Variants in MYRIP observed in about 807,000 individuals in gnomAD.
The protein encoded by MYRIP is myosin VIIA and Rab interacting protein.
MYRIP carries 49 observed loss-of-function variants against 98.0 expected under a neutral mutation model. The observed-to-expected ratio is 0.50, with a 90% CI of 0.40 to 0.63. MYRIP has a LOEUF of 0.63. Among genes scored for constraint, MYRIP ranks in the 30% least tolerant of loss-of-function variants. The pLI is 0.00. For missense variants in MYRIP, 1,004 were observed against 1,058.2 expected (o/e 0.95, Z 0.71); for synonymous variants, 404 against 409.5 (o/e 0.99, Z 0.16).
At chr3:40,052,901 T>G (rs965369527) in intron 3 of MYRIP, among the ~76,000 whole-genome samples, 1 of 152,078 alleles carries the variant, frequency 6.6e-6, no homozygotes, top group Non-Finnish European at 1.5e-5. Flanking sequence ...AAAACTGCAA[T>G]GCAAAATGTA....
At chr3:39,871,420 C>T (rs1942785032) in intron 1 of MYRIP, among the ~76,000 whole-genome samples, 1 of 152,126 alleles carries the variant, frequency 6.6e-6, no homozygotes, top group East Asian at 1.9e-4. Context: ...AATCTTTAGT[C>T]AGCATGAGTT....
At chr3:39,968,494 T>C (rs189463960) in intron 2 of MYRIP, among the ~76,000 whole-genome samples, 1 of 152,262 alleles carries the variant, frequency 6.6e-6, no homozygotes, top group Admixed American at 6.5e-5. Context: ...CTTGAGTTGA[T>C]TTTTGTATAT....
chr3:40,206,468 G>T (rs1319383908), intron 10 of MYRIP, among the ~76,000 whole-genome samples: 2 of 152,106 alleles, frequency 1.3e-5, no homozygotes, highest in East Asian at 3.9e-4. Flanking sequence ...TATGATTCTT[G>T]CTGCTCCAAT....
chr3:39,811,873 C>T (rs1332070247), intron 1 of MYRIP, among the ~76,000 whole-genome samples: 5 of 152,076 alleles, frequency 3.3e-5, no homozygotes, highest in African/African-American at 1.2e-4. Context: ...TTTAAACTAG[C>T]GGTAGCATAG....
intron 2 of MYRIP, among the ~76,000 whole-genome samples, chr3:40,017,757 G>T (rs1031954856): frequency 7.0e-6 from 1 of 143,614 alleles, no homozygotes; most frequent in Admixed American, 7.2e-5. Flanking sequence ...GACTTACTCC[G>T]GAAATTCCAG....
intron 3 of MYRIP, among the ~76,000 whole-genome samples, chr3:40,067,925 A>G (rs1948154976): frequency 6.6e-6 from 1 of 152,176 alleles, no homozygotes. Context: ...TTTTACTACC[A>G]TTTTACATAA....
At chr3:39,809,445 C>CGGCCCGGCGGGCACCCCCT, upstream of MYRIP, among the ~76,000 whole-genome samples, 1 of 147,464 alleles carries the variant, frequency 6.8e-6, no homozygotes, top group African/African-American at 2.4e-5. Context: ...CTGGAGGAAC[C>CGGCCCGGCGGGCACCCCCT]GGCCCGGCGG....
chr3:40,116,571 T>G (rs973164787), intron 3 of MYRIP, among the ~76,000 whole-genome samples: 1 of 152,236 alleles, frequency 6.6e-6, no homozygotes, highest in Non-Finnish European at 1.5e-5. Flanking sequence ...CTCAGCACAG[T>G]TTAGTCTGGC....
At chr3:40,167,277 T>G (rs1950520646) in intron 7 of MYRIP, 38 bp downstream of exon 7, 1 of 1,583,908 alleles carries the variant, frequency 6.3e-7, no homozygotes, top group African/African-American at 1.3e-5. Context: ...TGCAGTTTCC[T>G]GGCTGGGCCT....
chr3:40,203,088 C>A (rs747092441), intron 10 of MYRIP, among the ~76,000 whole-genome samples: 1 of 151,906 alleles, frequency 6.6e-6, no homozygotes, highest in South Asian at 2.1e-4. Flanking sequence ...TACAACCACA[C>A]CCAGCTAATT....
At chr3:40,219,732 C>A (rs988127634) in intron 11 of MYRIP, among the ~76,000 whole-genome samples, 2 of 152,098 alleles carry the variant, frequency 1.3e-5, no homozygotes, top group Non-Finnish European at 2.9e-5. Flanking sequence ...TCCAGTCTAT[C>A]GTTTTTGGAC....
chr3:40,123,456 T>C (rs1371733700), intron 3 of MYRIP, among the ~76,000 whole-genome samples: 1 of 152,200 alleles, frequency 6.6e-6, no homozygotes, highest in Non-Finnish European at 1.5e-5. Flanking sequence ...CCGCCAGCCA[T>C]CCTTCTCGTT....
intron 11 of MYRIP, among the ~76,000 whole-genome samples, chr3:40,212,227 C>T (rs62261832): frequency 0.56 from 7,257 of 12,942 alleles, 1,772 homozygotes; most frequent in Admixed American, 0.66. Context: ...TATATATATA[C>T]ACACACACAC....
chr3:40,035,015 T>C (rs1032021934), intron 2 of MYRIP, among the ~76,000 whole-genome samples: 7 of 136,924 alleles, frequency 5.1e-5, no homozygotes, highest in African/African-American at 1.7e-4. Context: ...TAGGTGGGAA[T>C]TGAACAATGA....
chr3:40,016,840 C>T (rs2067773), intron 2 of MYRIP, among the ~76,000 whole-genome samples: 42,267 of 152,118 alleles, frequency 0.28, 6,579 homozygotes, highest in Non-Finnish European at 0.36. Context: ...TCACAGATTG[C>T]CATATATCAT....
intron 1 of MYRIP, among the ~76,000 whole-genome samples, chr3:39,866,608 C>T (rs1304903894): frequency 6.6e-6 from 1 of 151,952 alleles, no homozygotes; most frequent in Non-Finnish European, 1.5e-5. Flanking sequence ...GTACAAAATC[C>T]TAGAAATAAA....
At chr3:40,022,301 G>T (rs1947016508) in intron 2 of MYRIP, among the ~76,000 whole-genome samples, 1 of 152,198 alleles carries the variant, frequency 6.6e-6, no homozygotes, top group Non-Finnish European at 1.5e-5. Flanking sequence ...ATTCAGTGTG[G>T]TATGGGCTAT....
intron 1 of MYRIP, among the ~76,000 whole-genome samples, chr3:39,868,427 T>C (rs1358125229): frequency 6.6e-6 from 1 of 152,158 alleles, no homozygotes; most frequent in Non-Finnish European, 1.5e-5. Flanking sequence ...ATTAAGTGCT[T>C]TTCTTGGCTC....
chr3:40,220,329 G>C (rs1017706091), intron 11 of MYRIP, among the ~76,000 whole-genome samples: 39 of 151,990 alleles, frequency 2.6e-4, no homozygotes, highest in South Asian at 1.5e-3. Context: ...TGCAGAAGCT[G>C]TTTAGTTTAA....
Sources: allele counts gnomAD v4.1 joint callset (sites outside exome capture counted in the v4.1 genomes callset), GRCh38; gene constraint gnomAD v4.1.1; transcripts MANE v1.5; gene names NCBI Gene and HGNC (gene_info 2026-07-23, HGNC 2026-07-21).